Variants in NUP210 observed in about 807,000 individuals in gnomAD.
NUP210 encodes the protein nuclear pore membrane glycoprotein 210.
A neutral mutation model predicts 196.0 loss-of-function variants in NUP210; 151 were observed. The ratio of observed to expected loss-of-function variants is 0.77; its 90% CI spans 0.67 to 0.88. NUP210 has a LOEUF of 0.88. Among genes scored for constraint, NUP210 ranks in the 40% least tolerant of loss-of-function variants. NUP210 has a pLI of 0.00. For missense variants in NUP210, 2,314 were observed against 2,493.7 expected (o/e 0.93, Z 1.53); for synonymous variants, 1,070 against 1,052.7 (o/e 1.02, Z -0.32).
rs543424729 is a variant in NUP210, at chr3:13,317,630, G to C, written c.*51C>G. 299 of 1,306,516 alleles carry C rather than the reference G, an allele frequency of 2.3e-4. No homozygotes were observed. The South Asian group carries it at 2.7e-3, about 12-fold the overall frequency. 80.9% of individuals were successfully genotyped at this position (1,306,516 alleles called of 1,614,324 possible). ...AATGCAGCAGGGATGTTCCATCTTG[G>C]GGGTGCACGAGGCTCGGCTGAGACC... is the stretch of plus-strand genomic sequence containing the variant. On this transcript the variant is annotated 3_prime_UTR_variant, in exon 40 of 40. Coordinates refer to ENST00000254508, the MANE Select transcript of NUP210 (RefSeq NM_024923.4).
chr3:13,331,339 G>A (rs1448008009), intron 29 of NUP210, among the ~76,000 whole-genome samples: 1 of 152,096 alleles, frequency 6.6e-6, no homozygotes, highest in Non-Finnish European at 1.5e-5. Flanking sequence ...CAGCTCCCAC[G>A]GCTAGTTTCC....
At chr3:13,342,177 A>G (rs1219275021) in intron 21 of NUP210, 54 bp from the exon 22 acceptor site, 7 of 1,603,976 alleles carry the variant, frequency 4.4e-6, no homozygotes, top group Non-Finnish European at 6.0e-6. Flanking sequence ...CAATCCTACC[A>G]TCTATGGTGC....
Position 13,381,713 on chromosome 3 carries a change from C to G in NUP210, c.818-1992G>C, listed in dbSNP as rs373533350. Among the ~76,000 whole-genome samples the G allele has an allele frequency of 1.1e-4, 17 of 152,286 alleles. 1 individual carries two copies. The South Asian group carries it at 2.3e-3, about 20-fold the overall frequency. On this transcript the variant is annotated intron_variant, in intron 6 of 39. Coordinates refer to ENST00000254508, the MANE Select transcript of NUP210 (RefSeq NM_024923.4). ...CAACAGAAAGGCGCTCCTGAGGCCC[C>G]AGATCATCCCTGCTATCATCTGCAG... is the stretch of plus-strand genomic sequence containing the variant.
At position 13,351,941 on chromosome 3, in the gene NUP210, G is replaced by A. The variant is rs1236064483; in HGVS notation, c.2773C>T (p.Leu925Phe). ...RIREGSGYFF[L>F]NTSTADVVKV... ...ACAACATCTGCGGTGCTGGTGTTGAGGAAGAAGTAACCTGAGCCTTCCCTG... is the reference window on the plus strand; with the variant it reads ...ACAACATCTGCGGTGCTGGTGTTGAAGAAGAAGTAACCTGAGCCTTCCCTG... The change falls in exon 20 of 40, where the codon CTC becomes TTC. Residue 925 changes from leucine (L) to phenylalanine (F), a missense_variant. Transcript: ENST00000254508. The A allele has an allele frequency of 6.2e-7, 1 of 1,613,398 alleles. No homozygotes were observed. The highest frequency in any genetic ancestry group is 1.1e-5 in the South Asian group (1 of 90,978).
intron 1 of NUP210, among the ~76,000 whole-genome samples, chr3:13,416,401 A>T (rs1032392102): frequency 6.6e-6 from 1 of 152,134 alleles, no homozygotes; most frequent in African/African-American, 2.4e-5. Flanking sequence ...GAGGCCCGGG[A>T]GGTCGCACAA....
Position 13,375,520 on chromosome 3 carries a change from T to C in NUP210, c.1415A>G (p.Tyr472Cys), listed in dbSNP as rs780863709. Reference protein sequence around the residue: ...TFPWQPKTGAYQYTIRAHGGS... With the variant: ...TFPWQPKTGACQYTIRAHGGS... ...CTCACGTACCCTTATTGTGTACTGATAGGCGCCCGTCTTTGGTTGCCACGG... is the reference window on the plus strand; with the variant it reads ...CTCACGTACCCTTATTGTGTACTGACAGGCGCCCGTCTTTGGTTGCCACGG... Residue 472 changes from tyrosine (Y) to cysteine (C), a missense_variant, in exon 11 of 40, where the codon TAT (tyrosine) becomes TGT (cysteine). By Grantham distance (194) the Tyr-to-Cys change is radical (BLOSUM62 -2). Transcript: ENST00000254508. 9 of 1,614,036 alleles carry C rather than the reference T, an allele frequency of 5.6e-6. No homozygotes were observed. Among genetic ancestry groups the C allele is most frequent in the African/African-American group, 4.0e-5 (3 of 74,918 alleles).
chr3:13,381,267 G>C (rs750047702), intron 6 of NUP210, among the ~76,000 whole-genome samples: 1 of 152,166 alleles, frequency 6.6e-6, no homozygotes, highest in East Asian at 1.9e-4. Flanking sequence ...TTTTCTAAAT[G>C]AGTAAGGCCC....
intron 1 of NUP210, among the ~76,000 whole-genome samples, chr3:13,418,948 C>CAAAA (rs112826426): frequency 4.1e-3 from 211 of 51,836 alleles, no homozygotes; most frequent in Middle Eastern, 0.012. Flanking sequence ...AACTCCGTCT[C>CAAAA]AAAAAAAAAA....
intron 20 of NUP210, among the ~76,000 whole-genome samples, chr3:13,346,071 AAC>A (rs1351633593): frequency 6.6e-6 from 1 of 152,182 alleles, no homozygotes; most frequent in Non-Finnish European, 1.5e-5. Context: ...GCACATTTTA[AAC>A]AGAGACATAA....
chr3:13,343,596 C>T (rs1697608348), intron 20 of NUP210, among the ~76,000 whole-genome samples: 1 of 152,190 alleles, frequency 6.6e-6, no homozygotes. Context: ...TCTCCACTTG[C>T]ACATTTTACA....
rs533327703 is a variant in NUP210, at chr3:13,412,052, A to C, written c.167+8008T>G. On this transcript the variant is annotated intron_variant, in intron 1 of 39. Transcript: ENST00000254508. ...GCCACTGCATCTGGCCAGCCACTGC[A>C]CCCGGCCTAGTTTTTTTAATAGACA... is the stretch of plus-strand genomic sequence containing the variant. Among the ~76,000 whole-genome samples, 4 of 145,292 alleles carry C rather than the reference A, an allele frequency of 2.8e-5. No individual in the cohort carries two copies. The South Asian group carries it at 8.8e-4, about 32-fold the overall frequency.
Position 13,319,855 on chromosome 3 carries a change from G to T in NUP210, c.5291C>A (p.Thr1764Asn), listed in dbSNP as rs1389500252. 1 of 1,614,230 alleles carries T rather than the reference G, an allele frequency of 6.2e-7. No homozygotes were observed. Among genetic ancestry groups the T allele is most frequent in the African/African-American group, 1.3e-5 (1 of 75,068 alleles). Residue 1764 changes from threonine (T) to asparagine (N), a missense_variant, in exon 37 of 40, where the codon ACT becomes AAT. Coordinates refer to ENST00000254508, the MANE Select transcript of NUP210 (RefSeq NM_024923.4). ...PAAGSQGPLSTTLTFSSPVTN... is the reference protein window; with the variant it reads ...PAAGSQGPLSNTLTFSSPVTN... ...CACGGGGCTGGAGAAGGTCAGGGTA[G>T]TGGACAGAGGCCCTTGGCTGCCAGC...
At chr3:13,373,283 G>A (rs780172502) in intron 12 of NUP210, among the ~76,000 whole-genome samples, 32 of 152,342 alleles carry the variant, frequency 2.1e-4, no homozygotes, top group Non-Finnish European at 4.0e-4. Flanking sequence ...GCCAGGTGTG[G>A]GGACCTGTGC....
Position 13,379,014 on chromosome 3 carries a change from A to G in NUP210, c.977-34T>C. ...TGAATTAAGGGGCAAGACATATGAC[A>G]GCAAATAAACCAGCTGGCTGGCCAG... On this transcript the variant is annotated intron_variant, in intron 7 of 39. Coordinates refer to ENST00000254508, the MANE Select transcript of NUP210 (RefSeq NM_024923.4). The surrounding 1 kb of genome is among the most constrained non-coding windows in gnomAD (Gnocchi z 4.2). 1 of 1,581,218 alleles carries G rather than the reference A, an allele frequency of 6.3e-7. No homozygotes were observed. The highest frequency in any genetic ancestry group is 8.7e-7 in the Non-Finnish European group (1 of 1,150,066).
chr3:13,345,685 C>T (rs1038172671), intron 20 of NUP210, among the ~76,000 whole-genome samples: 1 of 152,200 alleles, frequency 6.6e-6, no homozygotes, highest in South Asian at 2.1e-4. Flanking sequence ...GGACATCACA[C>T]TTACACTACA....
intron 13 of NUP210, among the ~76,000 whole-genome samples, chr3:13,366,489 A>T (rs1576388089): frequency 6.9e-6 from 1 of 145,162 alleles, no homozygotes; most frequent in Non-Finnish European, 1.5e-5. Flanking sequence ...CTTTCATCCC[A>T]GGCTTGATCC....
At position 13,316,704 on chromosome 3, in the gene NUP210, G is replaced by A. The variant is rs1048650; in HGVS notation, c.*977C>T. On this transcript the variant is annotated 3_prime_UTR_variant, in exon 40 of 40. Transcript: ENST00000254508. Reference sequence around the variant, plus strand: ...AGCTGTCTGGGGCCCTGCGCCTGATGAGCTGCCATGAAAGTGGCCGCCTCT... The same window carrying A: ...AGCTGTCTGGGGCCCTGCGCCTGATAAGCTGCCATGAAAGTGGCCGCCTCT... 57,433 of 152,194 alleles carry A rather than the reference G, an allele frequency of 0.38. 12,434 individuals are homozygous for A. Among genetic ancestry groups the A allele is most frequent in the East Asian group, 0.59 (3,031 of 5,152 alleles). The allele number at this position is 152,194 out of a possible 1,614,324, so 9.4% of individuals were successfully genotyped here.
At chr3:13,400,937 T>C (rs918839661) in intron 1 of NUP210, among the ~76,000 whole-genome samples, 15 of 152,064 alleles carry the variant, frequency 9.9e-5, no homozygotes, top group Non-Finnish European at 2.2e-4. Context: ...TGAAGGAGAC[T>C]TGTCAGAAAC....
Position 13,336,892 on chromosome 3 carries a change from G to C in NUP210, c.3579C>G (p.Thr1193=). 1 of 1,613,724 alleles carries C rather than the reference G, an allele frequency of 6.2e-7. No homozygotes were observed. Among genetic ancestry groups the C allele is most frequent in the Non-Finnish European group, 8.5e-7 (1 of 1,179,808 alleles). The change falls in exon 27 of 40, where the codon ACC becomes ACG. Residue 1193 remains threonine, a synonymous_variant. Coordinates refer to ENST00000254508, the MANE Select transcript of NUP210 (RefSeq NM_024923.4). ...TQMPIYVTGI[T]NHQNPFSFGN... ...CAAAGGAGAAAGGGTTCTGGTGGTTGGTGATGCCGGTGACATAGATGGGCA... is the reference window on the plus strand; with the variant it reads ...CAAAGGAGAAAGGGTTCTGGTGGTTCGTGATGCCGGTGACATAGATGGGCA...
Sources: allele counts gnomAD v4.1 joint callset (sites outside exome capture counted in the v4.1 genomes callset), GRCh38; gene constraint gnomAD v4.1.1; non-coding constraint Gnocchi (gnomAD v3.1); transcripts MANE v1.5; gene names NCBI Gene and HGNC (gene_info 2026-07-23, HGNC 2026-07-21).